TAFA2: variants seen among roughly 807,000 people sequenced by gnomAD.
TAFA2 encodes chemokine-like protein TAFA-2.
TAFA2 carries 7 observed loss-of-function variants against 18.8 expected under a neutral mutation model. The ratio of observed to expected loss-of-function variants is 0.37; its 90% CI spans 0.21 to 0.70. The LOEUF is 0.70. Ranked by LOEUF, TAFA2 falls within the 30% of genes least tolerant of loss-of-function variation. The pLI is 0.53. For missense variants in TAFA2, 122 were observed against 158.1 expected, an observed-to-expected ratio of 0.77 and a Z score of 1.23; for synonymous variants, 60 against 54.2, an observed-to-expected ratio of 1.11 and a Z score of -0.47.
chr12:62,146,236 C>T (rs1041182053), intron 1 of TAFA2, among the ~76,000 whole-genome samples: 4 of 151,588 alleles, frequency 2.6e-5, no homozygotes, highest in African/African-American at 9.7e-5. Context: ...TGCCATACCA[C>T]TGCCCTCCTA....
intron 1 of TAFA2, among the ~76,000 whole-genome samples, chr12:62,019,061 GAC>G (rs1479229718): frequency 1.3e-5 from 2 of 152,132 alleles, no homozygotes; most frequent in African/African-American, 2.4e-5. Context: ...GCAGCCAAAA[GAC>G]ACATGAAAAA....
chr12:61,796,255 C>T (rs1871184947), intron 2 of TAFA2, among the ~76,000 whole-genome samples: 1 of 152,024 alleles, frequency 6.6e-6, no homozygotes, highest in African/African-American at 2.4e-5. Flanking sequence ...CACATTTTAA[C>T]TCAAAACTGG....
At chr12:62,134,186 G>A (rs1214202129) in intron 1 of TAFA2, among the ~76,000 whole-genome samples, 1 of 151,796 alleles carries the variant, frequency 6.6e-6, no homozygotes, top group African/African-American at 2.4e-5. Flanking sequence ...CAAACCTACA[G>A]CCTTTCCCAG....
Position 62,112,211 on chromosome 12 carries a change from T to C in TAFA2, c.-2+79048A>G, listed in dbSNP as rs571366062. ...GTGACAAAATCTCTCAGTATTTGCT[T>C]GTCTGTAAAGGATTTTATTTCTCCT... On this transcript the variant is annotated intron_variant, in intron 1 of 4. Transcript: ENST00000416284. Among the ~76,000 whole-genome samples, 5 of 152,306 alleles carry C rather than the reference T, an allele frequency of 3.3e-5. No homozygotes were observed. The South Asian group carries it at 1.0e-3, about 32-fold the overall frequency.
intron 1 of TAFA2, among the ~76,000 whole-genome samples, chr12:62,172,486 C>T (rs923104032): frequency 2.6e-5 from 4 of 151,974 alleles, no homozygotes; most frequent in African/African-American, 7.2e-5. Context: ...CATCAATATG[C>T]CAAAAAAAGT....
chr12:61,941,810 G>A (rs1173681411), intron 1 of TAFA2, among the ~76,000 whole-genome samples: 15 of 152,150 alleles, frequency 9.9e-5, no homozygotes, highest in Admixed American at 2.0e-4. Flanking sequence ...CTATGCCCAC[G>A]GAATCTCGCT....
intron 1 of TAFA2, among the ~76,000 whole-genome samples, chr12:62,017,989 C>T (rs1320970832): frequency 6.6e-6 from 1 of 152,112 alleles, no homozygotes. Context: ...GTGAGATTTC[C>T]CAAGATATTT....
chr12:61,753,243 T>C (rs1565621551), intron 4 of TAFA2, among the ~76,000 whole-genome samples: 3 of 152,140 alleles, frequency 2.0e-5, no homozygotes, highest in South Asian at 4.1e-4. Context: ...TTAAAAGTAA[T>C]ATATAAAATA....
intron 1 of TAFA2, among the ~76,000 whole-genome samples, chr12:62,106,292 C>A (rs1869447674): frequency 6.6e-6 from 1 of 151,892 alleles, no homozygotes; most frequent in Non-Finnish European, 1.5e-5. Context: ...CGAGATCATG[C>A]CACTGCACTC....
intron 1 of TAFA2, among the ~76,000 whole-genome samples, chr12:62,189,191 T>TA (rs60410986): frequency 1.6e-4 from 24 of 148,748 alleles, no homozygotes; most frequent in South Asian, 8.4e-4. Context: ...GATTTTCACA[T>TA]AAAAAAAAAA....
At chr12:61,996,732 C>T (rs1880202756) in intron 1 of TAFA2, among the ~76,000 whole-genome samples, 2 of 152,158 alleles carry the variant, frequency 1.3e-5, no homozygotes, top group South Asian at 4.1e-4. Context: ...GGCATCACTT[C>T]CCCAAATAAG....
intron 1 of TAFA2, among the ~76,000 whole-genome samples, chr12:62,227,591 ATTAT>A: frequency 6.6e-6 from 1 of 151,968 alleles, no homozygotes; most frequent in East Asian, 1.9e-4. Context: ...CTCTTTGTGG[ATTAT>A]TTCCTTTCCT....
chr12:61,846,876 C>T (rs538000013), intron 2 of TAFA2, among the ~76,000 whole-genome samples: 32 of 152,276 alleles, frequency 2.1e-4, no homozygotes, highest in African/African-American at 6.5e-4. Context: ...CATGCTATTA[C>T]TCCAGAGAAA....
At chr12:61,763,367 C>G (rs1869644442) in intron 2 of TAFA2, among the ~76,000 whole-genome samples, 1 of 151,960 alleles carries the variant, frequency 6.6e-6, no homozygotes, top group African/African-American at 2.4e-5. Flanking sequence ...AAATTCTCAA[C>G]CAGAGAATGT....
At chr12:62,064,924 T>C (rs1434507381) in intron 1 of TAFA2, among the ~76,000 whole-genome samples, 1 of 152,084 alleles carries the variant, frequency 6.6e-6, no homozygotes, top group Non-Finnish European at 1.5e-5. Context: ...TTTTATAAAC[T>C]AGAGGTTCAG....
chr12:62,040,735 A>T (rs1253756475), intron 1 of TAFA2, among the ~76,000 whole-genome samples: 4 of 152,160 alleles, frequency 2.6e-5, no homozygotes, highest in Non-Finnish European at 5.9e-5. Context: ...AGCTAACACG[A>T]ATATTTACAG....
intron 1 of TAFA2, among the ~76,000 whole-genome samples, chr12:62,005,396 T>G (rs1880513680): frequency 6.6e-6 from 1 of 152,128 alleles, no homozygotes; most frequent in Non-Finnish European, 1.5e-5. Flanking sequence ...TTCCTTCCAT[T>G]TCCAATGAGA....
chr12:62,008,438 C>A (rs1565713923), intron 1 of TAFA2, among the ~76,000 whole-genome samples: 1 of 152,008 alleles, frequency 6.6e-6, no homozygotes, highest in Non-Finnish European at 1.5e-5. Context: ...AAAGGTAAAG[C>A]AGTAACAGGA....
intron 1 of TAFA2, among the ~76,000 whole-genome samples, chr12:62,228,465 G>T (rs1443349855): frequency 6.6e-6 from 1 of 152,182 alleles, no homozygotes; most frequent in Admixed American, 6.5e-5. Context: ...TCTCCAAACT[G>T]CTTTCCACAG....
Sources: gnomAD v4.1 joint callset for allele counts (sites outside exome capture counted in the v4.1 genomes callset) on GRCh38, gnomAD v4.1.1 for gene constraint, MANE v1.5 for transcripts, NCBI Gene and HGNC (gene_info 2026-07-23, HGNC 2026-07-21) for gene names.